The following ELOVL5 variants were observed in gnomAD, a reference collection of about 807,000 sequenced individuals.
The protein encoded by ELOVL5 is very long chain fatty acid elongase 5.
A neutral mutation model predicts 38.6 loss-of-function variants in ELOVL5; 8 were observed. The ratio of observed to expected loss-of-function variants is 0.21; its 90% CI spans 0.12 to 0.37. The LOEUF is 0.37. ELOVL5 is among the 10% of genes least tolerant of loss of function. The probability of loss-of-function intolerance (pLI) is 1.00; values close to 1 mark genes in which losing one functional copy is unlikely to be tolerated. For synonymous variants in ELOVL5, 127 were observed against 133.7 expected, an observed-to-expected ratio of 0.95 and a Z score of 0.34; for missense variants, 280 against 367.8, an observed-to-expected ratio of 0.76 and a Z score of 1.95.
intron 1 of ELOVL5, among the ~76,000 whole-genome samples, chr6:53,339,407 T>C (rs933900164): frequency 1.3e-5 from 2 of 152,208 alleles, no homozygotes; most frequent in Admixed American, 6.5e-5. Context: ...GAACTGAAGG[T>C]GGTGGCAGAC....
chr6:53,285,552 A>G (rs1766536624), intron 3 of ELOVL5, among the ~76,000 whole-genome samples: 1 of 129,204 alleles, frequency 7.7e-6, no homozygotes, highest in South Asian at 2.5e-4. Flanking sequence ...ACTGACGAAC[A>G]TGGCTACACT....
intron 1 of ELOVL5, among the ~76,000 whole-genome samples, chr6:53,296,844 C>A (rs954814562): frequency 6.6e-6 from 1 of 152,208 alleles, no homozygotes. Context: ...AAAGGCAGAA[C>A]TGATTTTATT....
rs554077517 is a variant in ELOVL5 at position 53,294,029 on chromosome 6, G to A, written c.58+1613C>T. ...AGTTCCCACTTAGCAACTAACATCA[G>A]ACTGTTATTTTGTATGAACATATAT... is the stretch of plus-strand genomic sequence containing the variant. On this transcript the variant is annotated intron_variant, in intron 2 of 7. Transcript: ENST00000304434. 9.0e-6 allele frequency: 10 copies of A among 1,113,592 alleles called. No individual in the cohort carries two copies. The African/African-American group carries it at 1.6e-4, about 17-fold the overall frequency. The allele number at this position is 1,113,592 out of a possible 1,614,324, so 69.0% of individuals were successfully genotyped here.
At chr6:53,298,213 A>G (rs1767095344) in intron 1 of ELOVL5, among the ~76,000 whole-genome samples, 2 of 152,210 alleles carry the variant, frequency 1.3e-5, no homozygotes, top group African/African-American at 4.8e-5. Flanking sequence ...GCTCCCCACT[A>G]GGCTGCATCC....
intron 3 of ELOVL5, among the ~76,000 whole-genome samples, chr6:53,276,754 C>T (rs191970951): frequency 4.6e-5 from 7 of 152,160 alleles, no homozygotes; most frequent in South Asian, 2.1e-4. Flanking sequence ...CTAACAAGGT[C>T]CAGGTGATAC....
Position 53,269,128 on chromosome 6 carries a change from C to T in ELOVL5, c.899G>A (p.Ter300=), listed in dbSNP as rs767727351. 1 of 1,612,710 alleles carries T rather than the reference C, an allele frequency of 6.2e-7. No homozygotes were observed. The highest frequency in any genetic ancestry group is 8.5e-7 in the Non-Finnish European group (1 of 1,179,546). ...TTGGAGGGTTTCAATTCTTTGACTT[C>T]AATCCTTCCGCAGCTTCCTTGGCTT... ...NVKPRKLRKD[*] is the part of the protein sequence containing the mutation. Residue 300 remains the stop codon, a stop_retained_variant, in exon 8 of 8, where the codon TGA becomes TAA. Transcript: ENST00000304434.
chr6:53,280,843 C>T (rs1204501521), intron 3 of ELOVL5, among the ~76,000 whole-genome samples: 6 of 152,184 alleles, frequency 3.9e-5, no homozygotes, highest in African/African-American at 1.4e-4. Context: ...GATCTGCTTG[C>T]CTTGGCCACC....
At chr6:53,277,526 G>A (rs991423276) in intron 3 of ELOVL5, 5 of 152,204 alleles carry the variant, frequency 3.3e-5, no homozygotes, top group African/African-American at 9.6e-5. Flanking sequence ...AAATGATGAG[G>A]TTGGACTAAA....
At chr6:53,305,542 A>C (rs1360214705) in intron 1 of ELOVL5, among the ~76,000 whole-genome samples, 1 of 139,198 alleles carries the variant, frequency 7.2e-6, no homozygotes, top group African/African-American at 2.8e-5. Flanking sequence ...CCGGGCAGAG[A>C]CGCTCCTCAC....
intron 2 of ELOVL5, chr6:53,293,977 G>A (rs148729358): frequency 1.6e-6 from 1 of 613,572 alleles, no homozygotes; most frequent in Non-Finnish European, 2.2e-6. Context: ...TCAGCTTTGG[G>A]CCTTGGCTGT....
intron 1 of ELOVL5, among the ~76,000 whole-genome samples, chr6:53,305,690 G>A (rs1309210388): frequency 6.6e-6 from 1 of 151,666 alleles, no homozygotes; most frequent in Non-Finnish European, 1.5e-5. Flanking sequence ...TAGGATGGCG[G>A]CCGGGCAGAG....
At chr6:53,273,134 T>C (rs1765985261) in intron 6 of ELOVL5, 86 bp downstream of exon 6, 2 of 1,406,206 alleles carry the variant, frequency 1.4e-6, no homozygotes, top group East Asian at 4.6e-5. Context: ...AGGGGCATCT[T>C]AGATGCTATT....
intron 1 of ELOVL5, among the ~76,000 whole-genome samples, chr6:53,343,905 T>C (rs529602641): frequency 2.0e-5 from 3 of 152,370 alleles, no homozygotes; most frequent in East Asian, 3.9e-4. Context: ...AGCCTGGCTC[T>C]GCCAGCATCT....
At chr6:53,298,900 C>CGGGGGGGGGGGAGGGGGG (rs35819949) in intron 1 of ELOVL5, among the ~76,000 whole-genome samples, 1 of 79,380 alleles carries the variant, frequency 1.3e-5, no homozygotes, top group African/African-American at 4.6e-5. Flanking sequence ...GGGGGCAAGG[C>CGGGGGGGGGGGAGGGGGG]GGGGGGGGGG....
intron 1 of ELOVL5, among the ~76,000 whole-genome samples, chr6:53,333,950 C>T (rs1362076570): frequency 6.6e-6 from 1 of 152,102 alleles, no homozygotes; most frequent in African/African-American, 2.4e-5. Flanking sequence ...ACCACGTTGC[C>T]TGTCTATTGA....
intron 1 of ELOVL5, among the ~76,000 whole-genome samples, chr6:53,316,710 G>A (rs1196911612): frequency 6.6e-6 from 1 of 151,170 alleles, no homozygotes; most frequent in Middle Eastern, 3.4e-3. Context: ...GTGAGGGAGA[G>A]GGGGGAGTCC....
At chr6:53,296,969 T>C (rs1360835074) in intron 1 of ELOVL5, among the ~76,000 whole-genome samples, 1 of 152,202 alleles carries the variant, frequency 6.6e-6, no homozygotes, top group Admixed American at 6.5e-5. Context: ...AATCATCTAA[T>C]GGTTGTAGTA....
rs200304234 is a variant in ELOVL5 at position 53,324,672 on chromosome 6, C to CA, written c.-9+24144dup. On this transcript the variant is annotated intron_variant, in intron 1 of 7. Coordinates refer to ENST00000304434, the MANE Select transcript of ELOVL5 (RefSeq NM_021814.5). ...CCTGGTGACAAGAGGGAGATCCTGT[C>CA]AAAAAAAAAAAAAAAAAAAGGAAAA... 4.2e-3 allele frequency among the ~76,000 whole-genome samples: 335 copies of CA among 80,332 alleles called. 10 individuals carry two copies. Among genetic ancestry groups the CA allele is most frequent in the African/African-American group, 6.2e-3 (77 of 12,358 alleles). The allele number at this position is 80,332 out of a possible 152,430, so 52.7% of individuals were successfully genotyped here. A position where few individuals can be genotyped will look rare whatever the true frequency, so the allele number is the denominator to read the frequency against.
At chr6:53,334,077 T>C (rs1768931537) in intron 1 of ELOVL5, among the ~76,000 whole-genome samples, 1 of 152,212 alleles carries the variant, frequency 6.6e-6, no homozygotes, top group Non-Finnish European at 1.5e-5. Flanking sequence ...ACCAAGTTAA[T>C]TGTGAAGGAC....
Sources: allele counts gnomAD v4.1 joint callset (sites outside exome capture counted in the v4.1 genomes callset), GRCh38; gene constraint gnomAD v4.1.1; transcripts MANE v1.5; gene names NCBI Gene and HGNC (gene_info 2026-07-23, HGNC 2026-07-21).